The following ABCF1 variants were observed in gnomAD, a reference collection of about 807,000 sequenced individuals.
ABCF1 encodes ATP-binding cassette sub-family F member 1.
A neutral mutation model predicts 126.3 loss-of-function variants in ABCF1; 73 were observed. That is an observed-to-expected ratio of 0.58 (90% CI 0.48 to 0.70). The LOEUF is 0.70. Ranked by LOEUF, ABCF1 falls within the 30% of genes least tolerant of loss-of-function variation. The pLI is 0.00. For synonymous variants in ABCF1, 345 were observed against 396.4 expected (o/e 0.87, Z 1.54); for missense variants, 786 against 1,057.5 (o/e 0.74, Z 3.56).
At chr6:30,576,798 T>C (rs1393437158) in intron 1 of ABCF1, among the ~76,000 whole-genome samples, 1 of 152,182 alleles carries the variant, frequency 6.6e-6, no homozygotes, top group Non-Finnish European at 1.5e-5. Context: ...TTAACCTTGC[T>C]ACAAGGCCCT....
Position 30,583,052 on chromosome 6 carries a change from T to C in ABCF1, c.793-14T>C, listed in dbSNP as rs1801908961. 5 of 1,597,388 alleles carry C rather than the reference T, an allele frequency of 3.1e-6. No homozygotes were observed. Among genetic ancestry groups the C allele is most frequent in the Non-Finnish European group, 8.6e-7 (1 of 1,167,428 alleles). ...AGACTGTGGCTTCAAATGTAGTTTTTCCTACCTTCTCAGATGGAGTATGAG... is the reference window on the plus strand; with the variant it reads ...AGACTGTGGCTTCAAATGTAGTTTTCCCTACCTTCTCAGATGGAGTATGAG... On this transcript the variant is annotated splice_polypyrimidine_tract_variant and intron_variant, in intron 9 of 24. Coordinates refer to ENST00000326195, the MANE Select transcript of ABCF1 (RefSeq NM_001025091.2). The surrounding 1 kb of genome is among the most constrained non-coding windows in gnomAD (Gnocchi z 4.1).
chr6:30,587,663 A>C (rs1802220515), intron 20 of ABCF1, among the ~76,000 whole-genome samples: 1 of 151,938 alleles, frequency 6.6e-6, no homozygotes, highest in Non-Finnish European at 1.5e-5. Flanking sequence ...AGCCTGAGCA[A>C]CATGGTGAAA....
chr6:30,588,123 G>A (rs960808457), intron 20 of ABCF1, among the ~76,000 whole-genome samples: 1 of 151,872 alleles, frequency 6.6e-6, no homozygotes, highest in Non-Finnish European at 1.5e-5. Flanking sequence ...GGCTGGTCTC[G>A]AACTCCTGAC....
chr6:30,579,215 T>C (rs1801674630), intron 6 of ABCF1, among the ~76,000 whole-genome samples: 1 of 152,130 alleles, frequency 6.6e-6, no homozygotes, highest in Non-Finnish European at 1.5e-5. Context: ...TTGCCTGACT[T>C]ATAATCCTTA....
intron 2 of ABCF1, among the ~76,000 whole-genome samples, 177 bp downstream of exon 2, chr6:30,577,632 G>A (rs1801572626): frequency 6.6e-6 from 1 of 152,152 alleles, no homozygotes; most frequent in Non-Finnish European, 1.5e-5. Flanking sequence ...GCAGAGGTGG[G>A]AGGATAGCTT....
chr6:30,578,448 C>T, intron 5 of ABCF1, 22 bp from the exon 6 acceptor site: 7 of 1,614,074 alleles, frequency 4.3e-6, no homozygotes, highest in Non-Finnish European at 5.9e-6. Context: ...CTACTGACTT[C>T]TGTGGCCCTT....
chr6:30,589,047 C>T (rs1407338499), intron 20 of ABCF1, among the ~76,000 whole-genome samples: 1 of 152,128 alleles, frequency 6.6e-6, no homozygotes, highest in South Asian at 2.1e-4. Flanking sequence ...CCCCTGTCCC[C>T]GAGGGTGGAG....
rs774318868 is a variant in ABCF1, at chr6:30,586,129, T to C, written c.1714-5T>C. 1.4e-5 allele frequency: 23 copies of C among 1,610,232 alleles called. No individual in the cohort carries two copies. The highest frequency in any genetic ancestry group is 2.0e-5 in the Non-Finnish European group (23 of 1,178,826). On this transcript the variant is annotated splice_region_variant and splice_polypyrimidine_tract_variant and intron_variant, in intron 17 of 24. Coordinates refer to ENST00000326195, the MANE Select transcript of ABCF1 (RefSeq NM_001025091.2). This position sits in a 1 kb window ranked among gnomAD's most constrained non-coding sequence, Gnocchi z 4.9. ...AGGTTTCTCTTTTTTCCTCTTCCTC[T>C]CCAGGAAAAACAAACGAAGGAAGCC...
chr6:30,577,335 A>G, intron 1 of ABCF1, 74 bp from the exon 2 acceptor site: 1 of 1,402,946 alleles, frequency 7.1e-7, no homozygotes, highest in African/African-American at 1.4e-5. Context: ...GAGGCTACAG[A>G]GATCTTTGCA....
At chr6:30,585,486 G>T in intron 15 of ABCF1, 72 bp from the exon 16 acceptor site, 1 of 1,602,470 alleles carries the variant, frequency 6.2e-7, no homozygotes, top group Non-Finnish European at 8.5e-7. Context: ...AGCCCCCGTT[G>T]TCTGCCTGCT....
chr6:30,585,185 T>C (rs999363764), intron 14 of ABCF1, 75 bp from the exon 15 acceptor site: 152 of 1,315,758 alleles, frequency 1.2e-4, no homozygotes, highest in Non-Finnish European at 1.1e-4. Context: ...AGGCTCTATC[T>C]CCGAGTTTTC....
At position 30,584,212 on chromosome 6, in the gene ABCF1, C is replaced by T; in HGVS notation, c.1123C>T (p.Pro375Ser). The T allele has an allele frequency of 6.2e-7, 1 of 1,612,526 alleles. No individual in the cohort carries two copies. The highest frequency in any genetic ancestry group is 8.5e-7 in the Non-Finnish European group (1 of 1,179,872). The change falls in exon 13 of 25, where the codon CCA becomes TCA. Residue 375 changes from proline (P) to serine (S), a missense_variant. This residue lies in a region of ABCF1 where 163 missense variants were observed against 255.3 expected (regional missense o/e 0.64). Coordinates refer to ENST00000326195, the MANE Select transcript of ABCF1 (RefSeq NM_001025091.2). This position sits in a 1 kb window ranked among gnomAD's most constrained non-coding sequence, Gnocchi z 4.6. ...CEQEVVADETPAVQAVLRADT... is the reference protein window; with the variant it reads ...CEQEVVADETSAVQAVLRADT... ...CCCAGAGGTGGTAGCAGATGAGACA[C>T]CAGCAGTCCAGGCTGTTCTTCGAGC...
chr6:30,590,477 C>T (rs1446289824), intron 24 of ABCF1, 58 bp from the exon 25 acceptor site: 1 of 1,580,560 alleles, frequency 6.3e-7, no homozygotes, highest in Admixed American at 1.8e-5. Flanking sequence ...ATTTCATGTT[C>T]TGATTCCCCT....
At chr6:30,587,665 A>G (rs1296466074) in intron 20 of ABCF1, among the ~76,000 whole-genome samples, 2 of 151,836 alleles carry the variant, frequency 1.3e-5, no homozygotes, top group Non-Finnish European at 2.9e-5. Flanking sequence ...CCTGAGCAAC[A>G]TGGTGAAATC....
chr6:30,577,174 G>T (rs964874934), intron 1 of ABCF1, among the ~76,000 whole-genome samples: 2 of 152,132 alleles, frequency 1.3e-5, no homozygotes, highest in Non-Finnish European at 2.9e-5. Context: ...GATCCCCTAC[G>T]CTAGCACAAT....
chr6:30,584,326 G>C lies in ABCF1; in HGVS notation c.1237G>C (p.Glu413Gln). 6.2e-7 allele frequency: 1 copy of C among 1,613,154 alleles called. No homozygotes were observed. The highest frequency in any genetic ancestry group is 8.5e-7 in the Non-Finnish European group (1 of 1,180,042). Residue 413 changes from glutamate to glutamine, a missense_variant, in exon 13 of 25, where the codon GAG becomes CAG. By Grantham distance (29) the Glu-to-Gln change is conservative. Around this residue, in one of 4 missense-constraint regions of ABCF1, gnomAD observed 163 missense variants for 255.3 expected, o/e 0.64. Coordinates refer to ENST00000326195, the MANE Select transcript of ABCF1 (RefSeq NM_001025091.2). The surrounding 1 kb of genome is among the most constrained non-coding windows in gnomAD (Gnocchi z 4.6). ...GGATGACACAGCTGCTGAGAGGCTA[G>C]AGAAGGTAGAGGAGATGGCGCAGGG... ...QGDDTAAERL[E>Q]KVYEELRATG...
rs748007871 is a variant in ABCF1 at position 30,585,252 on chromosome 6, C to T, written c.1392-8C>T. 1 of 1,612,758 alleles carries T rather than the reference C, an allele frequency of 6.2e-7. No individual in the cohort carries two copies. The highest frequency in any genetic ancestry group is 8.5e-7 in the Non-Finnish European group (1 of 1,179,334). On this transcript the variant is annotated splice_region_variant and splice_polypyrimidine_tract_variant and intron_variant, in intron 14 of 24. Coordinates refer to ENST00000326195, the MANE Select transcript of ABCF1 (RefSeq NM_001025091.2). ...CCCTGACCCTGCCCTCTGCTACCCACCCTCTAGGGCACTGTTCATGGAGCC... is the reference window on the plus strand; with the variant it reads ...CCCTGACCCTGCCCTCTGCTACCCATCCTCTAGGGCACTGTTCATGGAGCC...
intron 2 of ABCF1, 46 bp from the exon 3 acceptor site, chr6:30,577,772 A>G: frequency 6.3e-7 from 1 of 1,586,358 alleles, no homozygotes. Context: ...GCCTGCTTGG[A>G]TTGCTCTTGG....
In ABCF1 at chr6:30,590,340, T is replaced by C; in HGVS notation, c.2333T>C (p.Ile778Thr). The change falls in exon 24 of 25, where the codon ATT (isoleucine) becomes ACT (threonine). Residue 778 changes from isoleucine to threonine, a missense_variant. This residue lies in a region of ABCF1 where 288 missense variants were observed against 423.5 expected (regional missense o/e 0.68). Coordinates refer to ENST00000326195, the MANE Select transcript of ABCF1 (RefSeq NM_001025091.2). ...EPTNNLDIES[I>T]DALGEAINEY... ...ACCAATAACCTGGACATAGAGTCTATTGATGCTCTAGGGGAGGCCATCAAT... is the reference window on the plus strand; with the variant it reads ...ACCAATAACCTGGACATAGAGTCTACTGATGCTCTAGGGGAGGCCATCAAT... The C allele has an allele frequency of 3.7e-6, 6 of 1,611,976 alleles. No individual in the cohort carries two copies. Among genetic ancestry groups the C allele is most frequent in the Non-Finnish European group, 5.1e-6 (6 of 1,179,342 alleles).
Sources: allele counts gnomAD v4.1 joint callset (sites outside exome capture counted in the v4.1 genomes callset), GRCh38; gene constraint gnomAD v4.1.1; regional missense constraint gnomAD v4.1.1; non-coding constraint Gnocchi (gnomAD v3.1); transcripts MANE v1.5; gene names NCBI Gene and HGNC (gene_info 2026-07-23, HGNC 2026-07-21).